Variants in GRID1 observed in about 807,000 individuals in gnomAD.
GRID1 encodes glutamate ionotropic receptor delta type subunit 1.
A neutral mutation model predicts 98.0 loss-of-function variants in GRID1; 28 were observed. That is an observed-to-expected ratio of 0.29 (90% confidence interval 0.21 to 0.39). GRID1 has a LOEUF of 0.39. GRID1 is among the 10% of genes least tolerant of loss of function. GRID1 has a pLI of 1.00. For missense variants in GRID1, 1,111 were observed against 1,340.5 expected, an observed-to-expected ratio of 0.83 and a Z score of 2.67; for synonymous variants, 553 against 538.5, an observed-to-expected ratio of 1.03 and a Z score of -0.37.
chr10:85,822,644 T>A (rs1261562358), intron 8 of GRID1, among the ~76,000 whole-genome samples: 1 of 152,326 alleles, frequency 6.6e-6, no homozygotes, highest in East Asian at 1.9e-4. Context: ...TCCTCAGGGA[T>A]CTGGAACTAG....
chr10:85,878,882 C>T lies in GRID1; in HGVS notation c.781-9702G>A, dbSNP rs1321465587. The stretch of plus-strand genomic sequence containing the variant: ...TGCTGTATTCAGGAAACCCATCTCA[C>T]GTGCAGAGACACAAATAGGCTCAAA... On this transcript the variant is annotated intron_variant, in intron 5 of 15. Coordinates refer to ENST00000327946, the MANE Select transcript of GRID1 (RefSeq NM_017551.3). Among the ~76,000 whole-genome samples, 364 of 151,938 alleles carry T rather than the reference C, an allele frequency of 2.4e-3. 2 individuals are homozygous for T. Among genetic ancestry groups the T allele is most frequent in the Middle Eastern group, 0.01 (3 of 294 alleles).
chr10:85,667,998 C>G (rs1395396017), intron 12 of GRID1, among the ~76,000 whole-genome samples: 1 of 152,210 alleles, frequency 6.6e-6, no homozygotes, highest in Non-Finnish European at 1.5e-5. Context: ...CACATACCAT[C>G]TCACCTGCTG....
rs958134476 is a variant in GRID1 at position 85,869,089 on chromosome 10, T to C, written c.872A>G (p.Asn291Ser). The change falls in exon 6 of 16, where the codon AAT (asparagine) becomes AGT (serine). Residue 291 changes from asparagine (N) to serine (S), a missense_variant. Transcript: ENST00000327946. ...VRQIFPSAKDNQKCTRNNHRI... is the reference protein window; with the variant it reads ...VRQIFPSAKDSQKCTRNNHRI... ...GTGGTTGTTCCTCGTGCATTTCTGA[T>C]TGTCCTTTGCAGACGGAAAGATTTG... The C allele has an allele frequency of 1.2e-6, 2 of 1,613,962 alleles. No individual in the cohort carries two copies. Among genetic ancestry groups the C allele is most frequent in the Admixed American group, 1.7e-5 (1 of 60,002 alleles).
At chr10:86,167,804 G>A (rs1845422597) in intron 3 of GRID1, among the ~76,000 whole-genome samples, 2 of 152,208 alleles carry the variant, frequency 1.3e-5, no homozygotes, top group African/African-American at 2.4e-5. Context: ...CTCAGCTCGG[G>A]CAGCTACCAC....
chr10:86,184,969 T>C (rs867444142), intron 3 of GRID1, among the ~76,000 whole-genome samples: 21 of 152,308 alleles, frequency 1.4e-4, no homozygotes, highest in Middle Eastern at 3.4e-3. Context: ...TTCTAGGTAC[T>C]TTACATTTCC....
At chr10:86,358,551 G>A (rs1848562599) in intron 2 of GRID1, among the ~76,000 whole-genome samples, 1 of 152,172 alleles carries the variant, frequency 6.6e-6, no homozygotes, top group Admixed American at 6.5e-5. Flanking sequence ...GAGGTCAGGA[G>A]ATTGAGACCA....
intron 4 of GRID1, among the ~76,000 whole-genome samples, chr10:86,018,919 C>G (rs1186699056): frequency 6.6e-6 from 1 of 152,180 alleles, no homozygotes; most frequent in East Asian, 1.9e-4. Context: ...AGAGAGGATG[C>G]AAATTCCATC....
intron 2 of GRID1, among the ~76,000 whole-genome samples, chr10:86,257,177 T>A (rs544426391): frequency 6.6e-6 from 1 of 152,340 alleles, no homozygotes; most frequent in South Asian, 2.1e-4. Flanking sequence ...TGGATTTCAA[T>A]GAGGTATTCA....
intron 8 of GRID1, among the ~76,000 whole-genome samples, chr10:85,752,543 T>A (rs1017352405): frequency 3.3e-5 from 5 of 152,220 alleles, no homozygotes; most frequent in African/African-American, 1.2e-4. Flanking sequence ...ACTTGAGAGA[T>A]CATATTGTAA....
intron 4 of GRID1, among the ~76,000 whole-genome samples, chr10:85,933,285 TAAAAAAAA>T (rs59704249): frequency 4.0e-4 from 48 of 120,444 alleles, no homozygotes; most frequent in African/African-American, 1.0e-3. Context: ...CTCTGTTCTT[TAAAAAAAA>T]AAAAAAAAAA....
chr10:86,093,583 C>A (rs754997269), intron 4 of GRID1, among the ~76,000 whole-genome samples: 1 of 152,214 alleles, frequency 6.6e-6, no homozygotes, highest in Non-Finnish European at 1.5e-5. Flanking sequence ...CCTTTATGCA[C>A]ATAAACTAGA....
chr10:86,049,652 C>A (rs1351553881), intron 4 of GRID1, among the ~76,000 whole-genome samples: 2 of 152,218 alleles, frequency 1.3e-5, no homozygotes, highest in African/African-American at 4.8e-5. Flanking sequence ...AGATGACATG[C>A]ATTTTCCAGG....
chr10:85,917,620 G>T (rs1369606667), intron 4 of GRID1, among the ~76,000 whole-genome samples: 1 of 152,228 alleles, frequency 6.6e-6, no homozygotes, highest in African/African-American at 2.4e-5. Flanking sequence ...AACAAATGAG[G>T]CATGGAGGTG....
At chr10:86,091,624 C>T (rs1216555688) in intron 4 of GRID1, among the ~76,000 whole-genome samples, 1 of 152,072 alleles carries the variant, frequency 6.6e-6, no homozygotes, top group Non-Finnish European at 1.5e-5. Context: ...TCCCTCTCCA[C>T]AGTGCTACAG....
At chr10:85,778,210 G>A (rs528010482) in intron 8 of GRID1, among the ~76,000 whole-genome samples, 51 of 152,282 alleles carry the variant, frequency 3.3e-4, no homozygotes, top group Admixed American at 3.9e-4. Context: ...AGCTGTGAGA[G>A]CTCAGGGGCA....
chr10:85,683,777 G>C (rs1482776711), intron 12 of GRID1, among the ~76,000 whole-genome samples: 2 of 152,158 alleles, frequency 1.3e-5, no homozygotes, highest in Admixed American at 1.3e-4. Context: ...TAGCTTCACT[G>C]TAGTGTTCTA....
chr10:85,639,978 C>T lies in GRID1; in HGVS notation c.2193+7224G>A, dbSNP rs929548434. Among the ~76,000 whole-genome samples, 26 of 152,230 alleles carry T rather than the reference C, an allele frequency of 1.7e-4. 1 individual carries two copies. The highest frequency in any genetic ancestry group is 3.7e-4 in the Non-Finnish European group (25 of 68,044). The stretch of plus-strand genomic sequence containing the variant: ...CTTGTGCTACAATCGACACTGGATG[C>T]TTTAGACCCTATACATTGGTATACT... On this transcript the variant is annotated intron_variant, in intron 13 of 15. Coordinates refer to ENST00000327946, the MANE Select transcript of GRID1 (RefSeq NM_017551.3).
chr10:86,309,438 A>C (rs1239987383), intron 2 of GRID1, among the ~76,000 whole-genome samples: 1 of 152,234 alleles, frequency 6.6e-6, no homozygotes, highest in African/African-American at 2.4e-5. Flanking sequence ...TGGGCCAAGA[A>C]AGCGGTCATA....
At chr10:86,141,232 C>G (rs958028209) in intron 3 of GRID1, among the ~76,000 whole-genome samples, 1 of 152,164 alleles carries the variant, frequency 6.6e-6, no homozygotes, top group African/African-American at 2.4e-5. Flanking sequence ...CACACAAGCC[C>G]CAGGCTGTCA....
Sources: allele counts gnomAD v4.1 joint callset (sites outside exome capture counted in the v4.1 genomes callset), GRCh38; gene constraint gnomAD v4.1.1; transcripts MANE v1.5; gene names NCBI Gene and HGNC (gene_info 2026-07-23, HGNC 2026-07-21).